The following DEPDC1B variants were observed in gnomAD, a reference collection of about 807,000 sequenced individuals.
The protein encoded by DEPDC1B is DEP domain containing 1B.
A neutral mutation model predicts 66.5 loss-of-function variants in DEPDC1B; 51 were observed. The observed-to-expected ratio is 0.77, with a 90% CI of 0.61 to 0.97. The LOEUF (loss-of-function observed/expected upper bound fraction) is 0.97. DEPDC1B is among the 50% of genes least tolerant of loss of function. DEPDC1B has a pLI of 0.00. For synonymous variants in DEPDC1B, 226 were observed against 223.6 expected, an observed-to-expected ratio of 1.01 and a Z score of -0.10; for missense variants, 552 against 637.1, an observed-to-expected ratio of 0.87 and a Z score of 1.44.
intron 2 of DEPDC1B, among the ~76,000 whole-genome samples, chr5:60,677,326 A>ACACTCTCTCTCTCTCT (rs770640655): frequency 3.1e-4 from 34 of 108,560 alleles, no homozygotes; most frequent in African/African-American, 1.3e-3. Flanking sequence ...ACACACACAC[A>ACACTCTCTCTCTCTCT]CTCTCTCTCT....
chr5:60,696,000 T>C (rs1474966982), intron 1 of DEPDC1B, among the ~76,000 whole-genome samples: 2 of 152,164 alleles, frequency 1.3e-5, no homozygotes, highest in African/African-American at 4.8e-5. Context: ...GGTTTCACCA[T>C]GTTGGCCAGG....
chr5:60,681,353 G>T (rs1754291634), intron 2 of DEPDC1B, among the ~76,000 whole-genome samples: 1 of 152,150 alleles, frequency 6.6e-6, no homozygotes, highest in Non-Finnish European at 1.5e-5. Flanking sequence ...CACAGCCTCT[G>T]CCAACAACCT....
At chr5:60,616,536 G>A (rs1211220721) in intron 7 of DEPDC1B, among the ~76,000 whole-genome samples, 2 of 152,138 alleles carry the variant, frequency 1.3e-5, no homozygotes, top group East Asian at 3.9e-4. Context: ...GGAAGGAAGG[G>A]TATCAGTGAT....
intron 7 of DEPDC1B, among the ~76,000 whole-genome samples, chr5:60,625,333 T>C (rs754613080): frequency 3.3e-5 from 5 of 152,208 alleles, no homozygotes; most frequent in Non-Finnish European, 7.3e-5. Context: ...TCTTCCACAA[T>C]GGCTGAGCTA....
rs79362199 is a variant in DEPDC1B at position 60,626,100 on chromosome 5, T to C, written c.898+12650A>G. Among the ~76,000 whole-genome samples the C allele has an allele frequency of 5.9e-3, 901 of 152,228 alleles. 34 individuals are homozygous for C. The East Asian group carries it at 0.065, about 11-fold the overall frequency. ...TCCCTATTATCTAATCCAGAACATT[T>C]TGTCACCTTCCCATTCTCTCCTCCC... On this transcript the variant is annotated intron_variant, in intron 7 of 10. Transcript: ENST00000265036.
Position 60,599,137 on chromosome 5 carries a change from A to C in DEPDC1B, c.1366T>G (p.Leu456Val), listed in dbSNP as rs765722473. ...YGSQEPLAALLEEVITDAKLS... is the reference protein window; with the variant it reads ...YGSQEPLAALVEEVITDAKLS... ...TTGGCATCTGTTATGACTTCCTCCA[A>C]CAAGGCTGCCAGAGGTTCCTGAGAG... Residue 456 changes from leucine (L) to valine (V), a missense_variant, in exon 10 of 11, where the codon TTG (leucine) becomes GTG (valine). Coordinates refer to ENST00000265036, the MANE Select transcript of DEPDC1B (RefSeq NM_018369.3). The C allele has an allele frequency of 4.3e-6, 7 of 1,613,318 alleles. No individual in the cohort carries two copies. Among genetic ancestry groups the C allele is most frequent in the African/African-American group, 1.3e-5 (1 of 74,970 alleles).
At position 60,668,165 on chromosome 5, in the gene DEPDC1B, ATATATAAAATGGATATTT is replaced by A. The variant is rs1457363676; in HGVS notation, c.314+18779_314+18796del. Among the ~76,000 whole-genome samples, 11 of 29,822 alleles carry A rather than the reference ATATATAAAATGGATATTT, an allele frequency of 3.7e-4. 2 individuals carry two copies. Among genetic ancestry groups the A allele is most frequent in the African/African-American group, 1.2e-3 (7 of 5,686 alleles). 19.6% of individuals were successfully genotyped at this position (29,822 alleles called of 152,430 possible). On this transcript the variant is annotated intron_variant, in intron 2 of 10. Coordinates refer to ENST00000265036, the MANE Select transcript of DEPDC1B (RefSeq NM_018369.3). ...TATATATATAAAATGGATATTATAT[ATATATAAAATGGATATTT>A]TATATATATATAAAATGGATATTTT...
chr5:60,646,446 A>G (rs1753317594), intron 3 of DEPDC1B, among the ~76,000 whole-genome samples: 1 of 152,222 alleles, frequency 6.6e-6, no homozygotes, highest in African/African-American at 2.4e-5. Flanking sequence ...AGGGGATTAC[A>G]AGAGAGTTTT....
In DEPDC1B at chr5:60,599,259, A is replaced by T. The variant is rs759584282; in HGVS notation, c.1244T>A (p.Ile415Lys). ...ATCCATATCAGCTCCTGGGTATTTT[A>T]TCTGAGGCAAAAGGATTAGTAGTGA... ...ERVAHLRRVQ[I>K]KYPGADMDIT... Residue 415 changes from isoleucine to lysine, a missense_variant and splice_region_variant, in exon 10 of 11, where the codon ATA (isoleucine) becomes AAA (lysine). Ile to Lys is a moderately radical substitution (Grantham distance 102, BLOSUM62 -3). Transcript: ENST00000265036. 1.9e-6 allele frequency: 3 copies of T among 1,591,720 alleles called. No individual in the cohort carries two copies. The highest frequency in any genetic ancestry group is 2.3e-5 in the South Asian group (2 of 86,276).
Position 60,630,068 on chromosome 5 carries a change from T to A in DEPDC1B, c.898+8682A>T, listed in dbSNP as rs543799753. 3.9e-5 allele frequency among the ~76,000 whole-genome samples: 6 copies of A among 152,358 alleles called. No individual in the cohort carries two copies. In the South Asian group the frequency reaches 1.0e-3, roughly 26 times the overall value. On this transcript the variant is annotated intron_variant, in intron 7 of 10. Coordinates refer to ENST00000265036, the MANE Select transcript of DEPDC1B (RefSeq NM_018369.3). ...CCTATGTTTTCTTTTAAAAGTTTCA[T>A]CATTTCTGATATTAAGTTTAGGTCA...
At chr5:60,668,679 G>A (rs1463958298) in intron 2 of DEPDC1B, among the ~76,000 whole-genome samples, 1 of 152,140 alleles carries the variant, frequency 6.6e-6, no homozygotes, top group Non-Finnish European at 1.5e-5. Flanking sequence ...ATTAGGAACG[G>A]TGAATAAGCA....
chr5:60,658,986 A>G (rs373585892), intron 2 of DEPDC1B, among the ~76,000 whole-genome samples: 41 of 152,224 alleles, frequency 2.7e-4, no homozygotes, highest in African/African-American at 9.9e-4. Flanking sequence ...GCCGCTCCCA[A>G]TCGGGCTAGA....
chr5:60,668,320 G>C (rs180932806), intron 2 of DEPDC1B, among the ~76,000 whole-genome samples: 2 of 143,892 alleles, frequency 1.4e-5, no homozygotes, highest in African/African-American at 5.2e-5. Context: ...TGTCACCCAG[G>C]CTAGAGTGCA....
intron 1 of DEPDC1B, among the ~76,000 whole-genome samples, chr5:60,699,232 A>G (rs140082640): frequency 1.3e-5 from 2 of 152,212 alleles, no homozygotes; most frequent in East Asian, 1.9e-4. Flanking sequence ...TGTATTCATT[A>G]TAATGCATGG....
chr5:60,624,432 G>A (rs771332290), intron 7 of DEPDC1B, among the ~76,000 whole-genome samples: 5 of 152,092 alleles, frequency 3.3e-5, no homozygotes, highest in Non-Finnish European at 5.9e-5. Context: ...TTTTATCAGG[G>A]ATATCATGTG....
At chr5:60,620,348 A>G (rs2111781331) in intron 7 of DEPDC1B, among the ~76,000 whole-genome samples, 1 of 152,338 alleles carries the variant, frequency 6.6e-6, no homozygotes, top group Non-Finnish European at 1.5e-5. Flanking sequence ...CAGAGTGAAC[A>G]AGCAACCTAC....
intron 5 of DEPDC1B, among the ~76,000 whole-genome samples, chr5:60,643,688 T>C (rs1458535836): frequency 2.6e-5 from 4 of 152,214 alleles, no homozygotes; most frequent in Non-Finnish European, 5.9e-5. Flanking sequence ...TCAGAGAATG[T>C]GGAAGAATTT....
chr5:60,651,472 G>A (rs917616865), intron 2 of DEPDC1B, among the ~76,000 whole-genome samples: 4 of 150,714 alleles, frequency 2.7e-5, no homozygotes, highest in Non-Finnish European at 4.4e-5. Context: ...AGGTTGCAGT[G>A]AGCTGAAATT....
At chr5:60,694,892 T>G (rs898144834) in intron 1 of DEPDC1B, among the ~76,000 whole-genome samples, 9 of 152,232 alleles carry the variant, frequency 5.9e-5, no homozygotes, top group African/African-American at 2.2e-4. Context: ...TGTTTTATCT[T>G]AGCCTATCAA....
Sources: gnomAD v4.1 joint callset for allele counts (sites outside exome capture counted in the v4.1 genomes callset) on GRCh38, gnomAD v4.1.1 for gene constraint, MANE v1.5 for transcripts, NCBI Gene and HGNC (gene_info 2026-07-23, HGNC 2026-07-21) for gene names.